The following AARD variants were observed in gnomAD, a reference collection of about 807,000 sequenced individuals.
AARD encodes the protein alanine and arginine rich domain containing protein, also known as alanine- and arginine-rich domain-containing protein.
In AARD, 9 loss-of-function variants were observed where a neutral mutation model predicts 9.3. The observed-to-expected ratio is 0.97, with a 90% CI of 0.58 to 1.69. The LOEUF (loss-of-function observed/expected upper bound fraction) is 1.69. Ranked by LOEUF, AARD falls within the 40% of genes most tolerant of loss-of-function variation. AARD has a pLI of 0.00. For missense variants in AARD, 236 were observed against 210.3 expected (o/e 1.12, Z -0.76); for synonymous variants, 91 against 93.8 (o/e 0.97, Z 0.17).
chr8:116,942,436 T>C, intron 1 of AARD, 122 bp from the exon 2 acceptor site: 2 of 907,728 alleles, frequency 2.2e-6, no homozygotes, highest in East Asian at 5.4e-5. Flanking sequence ...GAGAAATACA[T>C]CTTCCTTGAT....
chr8:116,942,440 C>T (rs950807647), intron 1 of AARD, 118 bp from the exon 2 acceptor site: 2 of 933,466 alleles, frequency 2.1e-6, no homozygotes, highest in Non-Finnish European at 3.0e-6. Flanking sequence ...AATACATCTT[C>T]CTTGATATCT....
Position 116,943,101 on chromosome 8 carries a change from A to C in AARD, c.*400A>C, listed in dbSNP as rs1813764907. ...TGATGAACACATTATGCTTTGCATAAGTTTTGAGGGGCAATTTATAGACCC... is the reference window on the plus strand; with the variant it reads ...TGATGAACACATTATGCTTTGCATACGTTTTGAGGGGCAATTTATAGACCC... On this transcript the variant is annotated 3_prime_UTR_variant, in exon 2 of 2. Coordinates refer to ENST00000378279, the MANE Select transcript of AARD (RefSeq NM_001025357.3). 1 of 153,006 alleles carries C rather than the reference A, an allele frequency of 6.5e-6. No individual in the cohort carries two copies. Among genetic ancestry groups the C allele is most frequent in the Admixed American group, 6.5e-5 (1 of 15,302 alleles). 9.5% of individuals were successfully genotyped at this position (153,006 alleles called of 1,614,324 possible). A position where few individuals can be genotyped will look rare whatever the true frequency, so the allele number is the denominator to read the frequency against.
At chr8:116,941,836 G>A (rs1297229810) in intron 1 of AARD, among the ~76,000 whole-genome samples, 4 of 152,328 alleles carry the variant, frequency 2.6e-5, no homozygotes, top group African/African-American at 9.6e-5. Flanking sequence ...CCTAGCTGAA[G>A]AAATTTGCAA....
intron 1 of AARD, among the ~76,000 whole-genome samples, chr8:116,942,064 G>A (rs1813751531): frequency 6.6e-6 from 1 of 152,160 alleles, no homozygotes; most frequent in Non-Finnish European, 1.5e-5. Flanking sequence ...AACTATACAT[G>A]TGTCTCTAAG....
In AARD at chr8:116,943,459, T is replaced by C. The variant is rs1349885557; in HGVS notation, c.*758T>C. 6.6e-6 allele frequency: 1 copy of C among 152,242 alleles called. No individual in the cohort carries two copies. Among genetic ancestry groups the C allele is most frequent in the African/African-American group, 2.4e-5 (1 of 41,456 alleles). 9.4% of individuals were successfully genotyped at this position (152,242 alleles called of 1,614,324 possible). Reference sequence around the variant, plus strand: ...ATTGTTTCTACTTGGATTCTAACCATGCCCTTTAGGTGGTCTGTGACTAAG... The same window carrying C: ...ATTGTTTCTACTTGGATTCTAACCACGCCCTTTAGGTGGTCTGTGACTAAG... On this transcript the variant is annotated 3_prime_UTR_variant, in exon 2 of 2. Transcript: ENST00000378279.
chr8:116,938,490 G>C lies in AARD; in HGVS notation c.247G>C (p.Ala83Pro). Residue 83 changes from alanine (A) to proline (P), a missense_variant, in exon 1 of 2, where the codon GCG (alanine) becomes CCG (proline). Transcript: ENST00000378279. ...GATCTCGAGGCGCGTGCAGGAGGCGGCGGCGGCGGCGGCGGCGCGGGAGGA... is the reference window on the plus strand; with the variant it reads ...GATCTCGAGGCGCGTGCAGGAGGCGCCGGCGGCGGCGGCGGCGCGGGAGGA... ...RAISRRVQEA[A>P]AAAAAREEQS... The C allele has an allele frequency of 6.5e-7, 1 of 1,532,694 alleles. No homozygotes were observed. The highest frequency in any genetic ancestry group is 1.5e-5 in the African/African-American group (1 of 67,888). 94.9% of individuals were successfully genotyped at this position (1,532,694 alleles called of 1,614,324 possible). A position where few individuals can be genotyped will look rare whatever the true frequency, so the allele number is the denominator to read the frequency against.
chr8:116,940,921 A>G (rs1813738453), intron 1 of AARD, among the ~76,000 whole-genome samples: 1 of 152,172 alleles, frequency 6.6e-6, no homozygotes, highest in Non-Finnish European at 1.5e-5. Flanking sequence ...TGATGTTTGA[A>G]TTTCCTAAGT....
chr8:116,941,214 T>C (rs77603991), intron 1 of AARD, among the ~76,000 whole-genome samples: 1 of 152,202 alleles, frequency 6.6e-6, no homozygotes, highest in South Asian at 2.1e-4. Context: ...TACAGAGTGC[T>C]GTGGATGCAC....
chr8:116,938,392 T>C lies in AARD; in HGVS notation c.149T>C (p.Leu50Pro). The change falls in exon 1 of 2, where the codon CTC becomes CCC. Residue 50 changes from leucine to proline, a missense_variant. By Grantham distance (98) the Leu-to-Pro change is moderately conservative (BLOSUM62 -3). Transcript: ENST00000378279. ...GRSTDIQEEA[L>P]AASPLLEDLR... ...AGCACGGACATCCAGGAGGAGGCCC[T>C]CGCCGCCAGCCCGCTGCTGGAGGAC... is the stretch of plus-strand genomic sequence containing the variant. 1.2e-6 allele frequency: 2 copies of C among 1,612,280 alleles called. No homozygotes were observed. The highest frequency in any genetic ancestry group is 1.7e-6 in the Non-Finnish European group (2 of 1,179,776).
rs896357701 is a variant in AARD, at chr8:116,942,856, C to T, written c.*155C>T. The T allele has an allele frequency of 1.6e-6, 1 of 624,222 alleles. No individual in the cohort carries two copies. Among genetic ancestry groups the T allele is most frequent in the Non-Finnish European group, 2.5e-6 (1 of 397,088 alleles). 38.7% of individuals were successfully genotyped at this position (624,222 alleles called of 1,614,324 possible). A position where few individuals can be genotyped will look rare whatever the true frequency, so the allele number is the denominator to read the frequency against. ...TCTACTAAAAATACAAAAAATTAGC[C>T]AGACGTGGTGGCAGGCACCTGTAGT... On this transcript the variant is annotated 3_prime_UTR_variant, in exon 2 of 2. Transcript: ENST00000378279.
In AARD at chr8:116,942,656, A is replaced by C. The variant is rs776815892; in HGVS notation, c.423A>C (p.Thr141=). The C allele has an allele frequency of 4.8e-5, 78 of 1,613,870 alleles. No homozygotes were observed. Among genetic ancestry groups the C allele is most frequent in the Non-Finnish European group, 5.9e-5 (70 of 1,179,970 alleles). ...QLKKEYELEI[T]SDSQSPKDDA... The stretch of plus-strand genomic sequence containing the variant: ...AAAAGGAGTATGAACTGGAAATTAC[A>C]TCAGACTCCCAAAGCCCAAAAGATG... The change falls in exon 2 of 2, where the codon ACA becomes ACC. Residue 141 remains threonine, a synonymous_variant. Transcript: ENST00000378279.
chr8:116,940,215 T>C (rs1813728792), intron 1 of AARD, among the ~76,000 whole-genome samples: 1 of 152,172 alleles, frequency 6.6e-6, no homozygotes, highest in Non-Finnish European at 1.5e-5. Context: ...CCAGTTTGAG[T>C]TTGTTTACCC....
At chr8:116,940,549 C>T (rs935369249) in intron 1 of AARD, among the ~76,000 whole-genome samples, 2 of 152,190 alleles carry the variant, frequency 1.3e-5, no homozygotes, top group Admixed American at 6.5e-5. Flanking sequence ...ACCTTAATAT[C>T]ATTACCACTA....
At chr8:116,942,500 G>A in intron 1 of AARD, 58 bp from the exon 2 acceptor site, 2 of 1,426,538 alleles carry the variant, frequency 1.4e-6, no homozygotes. Flanking sequence ...GTCAGAGAGT[G>A]GTTTCATTTG....
In AARD at chr8:116,938,208, G is replaced by A. The variant is rs1231067077; in HGVS notation, c.-36G>A. The stretch of plus-strand genomic sequence containing the variant: ...ATCAAACTTAGAAACTCATCTTTCA[G>A]CAGCAGCGGTAGAGCAGTGACCAGG... On this transcript the variant is annotated 5_prime_UTR_variant, in exon 1 of 2. Transcript: ENST00000378279. 1.7e-6 allele frequency: 2 copies of A among 1,170,100 alleles called. No homozygotes were observed. Among genetic ancestry groups the A allele is most frequent in the African/African-American group, 3.3e-5 (2 of 61,000 alleles). 72.5% of individuals were successfully genotyped at this position (1,170,100 alleles called of 1,614,324 possible).
At chr8:116,942,507 T>C in intron 1 of AARD, 51 bp from the exon 2 acceptor site, 1 of 1,504,004 alleles carries the variant, frequency 6.6e-7, no homozygotes, top group South Asian at 1.2e-5. Context: ...AGTGGTTTCA[T>C]TTGATCTGCA....
intron 1 of AARD, among the ~76,000 whole-genome samples, chr8:116,938,835 G>A (rs372308193): frequency 3.3e-5 from 5 of 152,224 alleles, no homozygotes; most frequent in East Asian, 3.8e-4. Flanking sequence ...ATAGTTTTCT[G>A]CCCTGTAGGG....
chr8:116,941,528 G>A (rs976241039), intron 1 of AARD, among the ~76,000 whole-genome samples: 4 of 152,176 alleles, frequency 2.6e-5, no homozygotes, highest in Non-Finnish European at 5.9e-5. Flanking sequence ...GTTTTTTGTT[G>A]TGGTGGTTGT....
In AARD at chr8:116,938,273, A is replaced by T. The variant is rs1330186959; in HGVS notation, c.30A>T (p.Arg10Ser). Reference sequence around the variant, plus strand: ...GCCCCGGGGACTTCCGCCGCTGCAGAGAGAGAATTTCCCAGGGGCTCCAGG... The same window carrying T: ...GCCCCGGGGACTTCCGCCGCTGCAGTGAGAGAATTTCCCAGGGGCTCCAGG... The part of the protein sequence containing the change: MGPGDFRRC[R>S]ERISQGLQGL... The change falls in exon 1 of 2, where the codon AGA becomes AGT. Residue 10 changes from arginine (R) to serine (S), a missense_variant. Physicochemically the swap from Arg to Ser is moderately radical, Grantham distance 110. Coordinates refer to ENST00000378279, the MANE Select transcript of AARD (RefSeq NM_001025357.3). 1 of 1,605,284 alleles carries T rather than the reference A, an allele frequency of 6.2e-7. No individual in the cohort carries two copies. The highest frequency in any genetic ancestry group is 8.5e-7 in the Non-Finnish European group (1 of 1,176,058).
Sources: allele counts gnomAD v4.1 joint callset (sites outside exome capture counted in the v4.1 genomes callset), GRCh38; gene constraint gnomAD v4.1.1; transcripts MANE v1.5; gene names NCBI Gene and HGNC (gene_info 2026-07-23, HGNC 2026-07-21).